The following AFG2A variants were observed in gnomAD, a reference collection of about 807,000 sequenced individuals.
AFG2A encodes the protein ATPase family gene 2 protein homolog A.
At chr4:123,111,508 T>C in the AFG2A span, among the ~76,000 whole-genome samples, 1 of 152,176 alleles carries the variant, frequency 6.6e-6, no homozygotes, top group African/African-American at 2.4e-5. Flanking sequence ...AATTGAGAGA[T>C]TCAAGTTTTG....
At chr4:122,949,412 T>C in the AFG2A span, among the ~76,000 whole-genome samples, 1 of 152,168 alleles carries the variant, frequency 6.6e-6, no homozygotes, top group African/African-American at 2.4e-5. Flanking sequence ...TGAAGGTCAC[T>C]ATACCAAGTA....
the AFG2A span, among the ~76,000 whole-genome samples, chr4:122,988,805 T>C: frequency 6.6e-6 from 1 of 152,208 alleles, no homozygotes; most frequent in Non-Finnish European, 1.5e-5. Context: ...TTAGGCTTTT[T>C]TCACTCTTCA....
chr4:123,070,818 T>C, the AFG2A span, among the ~76,000 whole-genome samples: 1 of 152,300 alleles, frequency 6.6e-6, no homozygotes, highest in East Asian at 1.9e-4. Flanking sequence ...AACCCAAGCA[T>C]ATTAAATATC....
chr4:123,045,775 G>T, the AFG2A span, among the ~76,000 whole-genome samples: 1 of 152,010 alleles, frequency 6.6e-6, no homozygotes, highest in Admixed American at 6.6e-5. Flanking sequence ...TTAATATTTT[G>T]TGGGAAGTTA....
the AFG2A span, among the ~76,000 whole-genome samples, chr4:123,074,488 C>T: frequency 1.6e-5 from 2 of 126,874 alleles, no homozygotes; most frequent in Non-Finnish European, 3.4e-5. Context: ...TGGATGCTTT[C>T]TAGTAACCAG....
the AFG2A span, among the ~76,000 whole-genome samples, chr4:123,097,209 A>G: frequency 3.3e-5 from 5 of 152,136 alleles, no homozygotes; most frequent in African/African-American, 1.2e-4. Flanking sequence ...GTCCACAAAT[A>G]AAAAGCTAAA....
chr4:123,057,405 A>C, the AFG2A span: 2 of 1,140,082 alleles, frequency 1.8e-6, no homozygotes, highest in South Asian at 3.3e-5. Flanking sequence ...CATTTGGCCT[A>C]AAAAAGTTTT....
At chr4:123,317,851 ATG>A in the AFG2A span, 49 of 152,356 alleles carry the variant, frequency 3.2e-4, 1 homozygote, top group East Asian at 5.4e-3. Context: ...CATGAAAAAT[ATG>A]TGTTTATGGG....
chr4:123,196,465 A>G, the AFG2A span, among the ~76,000 whole-genome samples: 2 of 152,118 alleles, frequency 1.3e-5, no homozygotes, highest in Non-Finnish European at 2.9e-5. Flanking sequence ...TTCACATGTT[A>G]AACTCATTGG....
At chr4:123,267,695 G>A in the AFG2A span, among the ~76,000 whole-genome samples, 5 of 152,110 alleles carry the variant, frequency 3.3e-5, no homozygotes, top group South Asian at 4.1e-4. Flanking sequence ...GTAAAAGAAC[G>A]TAAGTCAAAC....
At chr4:123,028,374 A>G in the AFG2A span, 1 of 1,614,138 alleles carries the variant, frequency 6.2e-7, no homozygotes, top group South Asian at 1.1e-5. Flanking sequence ...ATGAGAGTGG[A>G]CTGAATTTTC....
chr4:123,297,654 G>A, the AFG2A span, among the ~76,000 whole-genome samples: 1 of 151,912 alleles, frequency 6.6e-6, no homozygotes, highest in Non-Finnish European at 1.5e-5. Flanking sequence ...CAGAGGCGGA[G>A]CTTGCAGTGA....
At chr4:123,219,258 G>A in the AFG2A span, among the ~76,000 whole-genome samples, 8 of 152,204 alleles carry the variant, frequency 5.3e-5, no homozygotes, top group African/African-American at 1.9e-4. Flanking sequence ...GGAGGCAAGC[G>A]TCTGACACAG....
the AFG2A span, among the ~76,000 whole-genome samples, chr4:123,176,852 G>C: frequency 1.3e-5 from 2 of 152,118 alleles, no homozygotes; most frequent in African/African-American, 4.8e-5. Flanking sequence ...GGAGGTGGGG[G>C]AAGGGGGAGG....
At chr4:123,254,789 G>A in the AFG2A span, among the ~76,000 whole-genome samples, 1 of 152,122 alleles carries the variant, frequency 6.6e-6, no homozygotes, top group Admixed American at 6.5e-5. Context: ...TTCTGAATAA[G>A]TGAATCCATT....
chr4:122,936,963 A>G, the AFG2A span, among the ~76,000 whole-genome samples: 1 of 152,144 alleles, frequency 6.6e-6, no homozygotes, highest in Admixed American at 6.5e-5. Context: ...ATGGGGGACA[A>G]GAGCGAGACT....
chr4:122,999,096 T>G, the AFG2A span, among the ~76,000 whole-genome samples: 4 of 146,834 alleles, frequency 2.7e-5, no homozygotes, highest in Non-Finnish European at 6.0e-5. Context: ...GTCTTTTGGC[T>G]GCATAAATGT....
At chr4:123,189,809 C>CTTTGTTT in the AFG2A span, among the ~76,000 whole-genome samples, 2 of 61,772 alleles carry the variant, frequency 3.2e-5, no homozygotes, top group East Asian at 5.4e-4. Context: ...AGGTCATTTG[C>CTTTGTTT]TTTTTTTTTT....
At chr4:123,247,306 A>G in the AFG2A span, among the ~76,000 whole-genome samples, 1 of 152,052 alleles carries the variant, frequency 6.6e-6, no homozygotes, top group African/African-American at 2.4e-5. Context: ...GCTATATTCT[A>G]AAGTTAAAAG....
Sources: allele counts gnomAD v4.1 joint callset (sites outside exome capture counted in the v4.1 genomes callset), GRCh38; gene constraint gnomAD v4.1.1; transcripts MANE v1.5; gene names NCBI Gene and HGNC (gene_info 2026-07-23, HGNC 2026-07-21).